ZHX3: variants seen among roughly 807,000 people sequenced by gnomAD.
The protein encoded by ZHX3 is zinc fingers and homeoboxes 3.
In ZHX3, 20 loss-of-function variants were observed where a neutral mutation model predicts 64.5. The ratio of observed to expected loss-of-function variants is 0.31; its 90% CI spans 0.22 to 0.45. The LOEUF (loss-of-function observed/expected upper bound fraction) is 0.45. Ranked by LOEUF, ZHX3 falls within the 20% of genes least tolerant of loss-of-function variation. ZHX3 has a pLI of 1.00. For missense variants in ZHX3, 1,041 were observed against 1,195.8 expected (o/e 0.87, Z 1.91); for synonymous variants, 423 against 461.6 (o/e 0.92, Z 1.07).
At chr20:41,278,453 C>A (rs1370178295) in intron 1 of ZHX3, among the ~76,000 whole-genome samples, 1 of 140,918 alleles carries the variant, frequency 7.1e-6, no homozygotes, top group South Asian at 2.5e-4. Flanking sequence ...ACAATTTTAA[C>A]CATACTGGGA....
intron 2 of ZHX3, among the ~76,000 whole-genome samples, chr20:41,252,335 G>A (rs751541995): frequency 1.3e-5 from 2 of 152,200 alleles, no homozygotes; most frequent in Non-Finnish European, 2.9e-5. Flanking sequence ...ACTACTGGAT[G>A]CCTGCCTCAC....
chr20:41,302,973 A>C (rs1349862416), intron 1 of ZHX3, among the ~76,000 whole-genome samples: 1 of 152,252 alleles, frequency 6.6e-6, no homozygotes, highest in Non-Finnish European at 1.5e-5. Flanking sequence ...GTAATGAAGA[A>C]AGCCTGGAGC....
Position 41,201,196 on chromosome 20 carries a change from T to A in ZHX3, c.2860+861A>T. On this transcript the variant is annotated intron_variant, in intron 3 of 3. Coordinates refer to ENST00000683867, the MANE Select transcript of ZHX3 (RefSeq NM_001384317.1). The surrounding 1 kb of genome is among the most constrained non-coding windows in gnomAD (Gnocchi z 5.0). Reference sequence around the variant, plus strand: ...CACAAATAGTGTCTCCTGTACCCCCTCCCACATTGCCAACTCAGCTAGCAA... The same window carrying A: ...CACAAATAGTGTCTCCTGTACCCCCACCCACATTGCCAACTCAGCTAGCAA... The A allele has an allele frequency of 1.1e-6, 1 of 916,514 alleles. No individual in the cohort carries two copies. Among genetic ancestry groups the A allele is most frequent in the Non-Finnish European group, 1.5e-6 (1 of 678,726 alleles). The allele number at this position is 916,514 out of a possible 1,614,324, so 56.8% of individuals were successfully genotyped here.
At chr20:41,293,620 T>A (rs1052107917) in intron 1 of ZHX3, among the ~76,000 whole-genome samples, 3 of 152,100 alleles carry the variant, frequency 2.0e-5, no homozygotes, top group Admixed American at 6.5e-5. Flanking sequence ...GAACTAGCTA[T>A]AAGTCTGGTC....
At chr20:41,214,628 G>A (rs2039391833) in intron 2 of ZHX3, among the ~76,000 whole-genome samples, 1 of 152,230 alleles carries the variant, frequency 6.6e-6, no homozygotes, top group South Asian at 2.1e-4. Context: ...GCTTACTAAG[G>A]TGGCTGTTTT....
At chr20:41,197,546 T>A (rs2037842938) in intron 3 of ZHX3, among the ~76,000 whole-genome samples, 1 of 151,702 alleles carries the variant, frequency 6.6e-6, no homozygotes, top group African/African-American at 2.4e-5. Flanking sequence ...ACTTTCAACC[T>A]CCTTGTGTCC....
Position 41,179,627 on chromosome 20 carries a change from TTAAG to T in ZHX3, c.*5560_*5563del, listed in dbSNP as rs1284728806. The T allele has an allele frequency of 6.6e-6, 1 of 150,762 alleles. No individual in the cohort carries two copies. Among genetic ancestry groups the T allele is most frequent in the Non-Finnish European group, 1.5e-5 (1 of 68,016 alleles). 9.3% of individuals were successfully genotyped at this position (150,762 alleles called of 1,614,324 possible). On this transcript the variant is annotated 3_prime_UTR_variant, in exon 4 of 4. Transcript: ENST00000683867. The surrounding 1 kb of genome is among the most constrained non-coding windows in gnomAD (Gnocchi z 4.3). ...CATTTCACTTTTAACTCCAGTCACATTAAGTTTTTTTTTTTTTTTTGAGACGGAG... is the reference window on the plus strand; with the variant it reads ...CATTTCACTTTTAACTCCAGTCACATTTTTTTTTTTTTTTTTGAGACGGAG...
intron 1 of ZHX3, among the ~76,000 whole-genome samples, chr20:41,279,910 T>G (rs2043587622): frequency 6.6e-6 from 1 of 152,124 alleles, no homozygotes; most frequent in Non-Finnish European, 1.5e-5. Context: ...GAAGTAGAAG[T>G]GAGCCCAGGA....
intron 3 of ZHX3, among the ~76,000 whole-genome samples, chr20:41,196,479 A>AT (rs2037625452): frequency 7.1e-3 from 2 of 282 alleles, no homozygotes; most frequent in Non-Finnish European, 0.019. Context: ...ATATATTTAT[A>AT]TATTATAAAT....
At chr20:41,311,785 C>A (rs994218056) in intron 1 of ZHX3, among the ~76,000 whole-genome samples, 2 of 152,252 alleles carry the variant, frequency 1.3e-5, no homozygotes, top group Non-Finnish European at 2.9e-5. Context: ...CATCACCATA[C>A]TGGGTTCTCC....
Position 41,185,630 on chromosome 20 carries a change from A to G in ZHX3, c.2861-429T>C, listed in dbSNP as rs2036456372. 4.5e-6 allele frequency: 1 copy of G among 219,912 alleles called. No homozygotes were observed. Among genetic ancestry groups the G allele is most frequent in the Non-Finnish European group, 8.9e-6 (1 of 112,202 alleles). The allele number at this position is 219,912 out of a possible 1,614,324, so 13.6% of individuals were successfully genotyped here. A position where few individuals can be genotyped will look rare whatever the true frequency, so the allele number is the denominator to read the frequency against. On this transcript the variant is annotated intron_variant, in intron 3 of 3. Transcript: ENST00000683867. This position sits in a 1 kb window ranked among gnomAD's most constrained non-coding sequence, Gnocchi z 5.0. ...GCAGCTGGGTCTAGTTCTGATATGT[A>G]TTCTACTGATGTCTTCACTTCATTT...
At chr20:41,230,975 T>C (rs2040568070) in intron 2 of ZHX3, among the ~76,000 whole-genome samples, 2 of 152,198 alleles carry the variant, frequency 1.3e-5, no homozygotes, top group South Asian at 4.1e-4. Flanking sequence ...TATAATATCA[T>C]ACAAAATAGT....
At chr20:41,209,585 G>T (rs1457329075) in intron 2 of ZHX3, among the ~76,000 whole-genome samples, 2 of 152,168 alleles carry the variant, frequency 1.3e-5, no homozygotes, top group Non-Finnish European at 2.9e-5. Flanking sequence ...ACAAAAACAA[G>T]AAATGGGGAA....
chr20:41,302,500 A>G (rs1600672260), intron 1 of ZHX3, among the ~76,000 whole-genome samples: 1 of 152,132 alleles, frequency 6.6e-6, no homozygotes, highest in African/African-American at 2.4e-5. Context: ...GAGCTTCTCC[A>G]TTCCCTCCTG....
intron 2 of ZHX3, among the ~76,000 whole-genome samples, chr20:41,208,914 G>A (rs995724322): frequency 2.0e-4 from 31 of 152,320 alleles, no homozygotes; most frequent in African/African-American, 6.0e-4. Flanking sequence ...CCTGTTTGCA[G>A]ATGACATGAT....
intron 1 of ZHX3, among the ~76,000 whole-genome samples, chr20:41,282,500 A>C (rs2043738711): frequency 6.6e-6 from 1 of 150,906 alleles, no homozygotes. Flanking sequence ...TTGGGATTAC[A>C]GGCATGCCCC....
Position 41,201,239 on chromosome 20 carries a change from C to T in ZHX3, c.2860+818G>A, listed in dbSNP as rs1478285138. ...GCTAGCAATGCTGCCATTTTGGAAC[C>T]CCCAATCCCTTCAGCTTCTACAATA... is the stretch of plus-strand genomic sequence containing the variant. On this transcript the variant is annotated intron_variant, in intron 3 of 3. Transcript: ENST00000683867. The surrounding 1 kb of genome is among the most constrained non-coding windows in gnomAD (Gnocchi z 5.0). 8.0e-6 allele frequency: 10 copies of T among 1,246,816 alleles called. No individual in the cohort carries two copies. Among genetic ancestry groups the T allele is most frequent in the Non-Finnish European group, 1.0e-5 (10 of 954,002 alleles). The allele number at this position is 1,246,816 out of a possible 1,614,324, so 77.2% of individuals were successfully genotyped here. A position where few individuals can be genotyped will look rare whatever the true frequency, so the allele number is the denominator to read the frequency against.
At chr20:41,315,056 C>T (rs1266816987) in intron 1 of ZHX3, among the ~76,000 whole-genome samples, 1 of 152,176 alleles carries the variant, frequency 6.6e-6, no homozygotes, top group Admixed American at 6.5e-5. Flanking sequence ...TTTGATAATG[C>T]AGTCAAGCAA....
chr20:41,185,514 C>T lies in ZHX3; in HGVS notation c.2861-313G>A. On this transcript the variant is annotated intron_variant, in intron 3 of 3. Coordinates refer to ENST00000683867, the MANE Select transcript of ZHX3 (RefSeq NM_001384317.1). The surrounding 1 kb of genome is among the most constrained non-coding windows in gnomAD (Gnocchi z 5.0). ...TAAATCCCCCTAGCTCCCCAGGCTT[C>T]CGCCACCACCGTCTCTGGAGTCCTG... 2.0e-6 allele frequency: 1 copy of T among 510,340 alleles called. No homozygotes were observed. Among genetic ancestry groups the T allele is most frequent in the East Asian group, 3.1e-5 (1 of 31,944 alleles). The allele number at this position is 510,340 out of a possible 1,614,324, so 31.6% of individuals were successfully genotyped here. A position where few individuals can be genotyped will look rare whatever the true frequency, so the allele number is the denominator to read the frequency against.
Sources: allele counts gnomAD v4.1 joint callset (sites outside exome capture counted in the v4.1 genomes callset), GRCh38; gene constraint gnomAD v4.1.1; non-coding constraint Gnocchi (gnomAD v3.1); transcripts MANE v1.5; gene names NCBI Gene and HGNC (gene_info 2026-07-23, HGNC 2026-07-21).